LRRC28: variants seen among roughly 807,000 people sequenced by gnomAD.
LRRC28 encodes the protein leucine rich repeat containing 28.
LRRC28 carries 39 observed loss-of-function variants against 45.7 expected under a neutral mutation model. That is an observed-to-expected ratio of 0.85 (90% CI 0.66 to 1.12). The LOEUF is 1.12. Among genes scored for constraint, LRRC28 ranks in the 50% most tolerant of loss-of-function variants. The pLI is 0.00. For missense variants in LRRC28, 435 were observed against 438.5 expected, an observed-to-expected ratio of 0.99 and a Z score of 0.07; for synonymous variants, 206 against 178.8, an observed-to-expected ratio of 1.15 and a Z score of -1.22.
At chr15:99,272,849 T>A (rs539989885) in intron 2 of LRRC28, among the ~76,000 whole-genome samples, 1 of 152,266 alleles carries the variant, frequency 6.6e-6, no homozygotes, top group South Asian at 2.1e-4. Flanking sequence ...AATAATAGAT[T>A]TGAGAAGCAC....
At chr15:99,290,933 A>G (rs1340769622) in intron 5 of LRRC28, among the ~76,000 whole-genome samples, 1 of 152,062 alleles carries the variant, frequency 6.6e-6, no homozygotes, top group Admixed American at 6.6e-5. Flanking sequence ...GCAGTATTGC[A>G]CTCCAGCCTG....
intron 5 of LRRC28, among the ~76,000 whole-genome samples, chr15:99,325,423 C>G (rs1327597571): frequency 2.0e-5 from 3 of 151,978 alleles, no homozygotes; most frequent in Admixed American, 1.3e-4. Flanking sequence ...TTTGTTTGTT[C>G]AGTTTTTGCC....
intron 5 of LRRC28, among the ~76,000 whole-genome samples, chr15:99,312,508 G>A (rs948382691): frequency 1.3e-5 from 2 of 152,062 alleles, no homozygotes; most frequent in Admixed American, 6.6e-5. Flanking sequence ...CCTGCCTAAG[G>A]CTCTTTTACA....
intron 2 of LRRC28, chr15:99,259,645 C>T: frequency 7.0e-7 from 1 of 1,429,266 alleles, no homozygotes; most frequent in Non-Finnish European, 9.9e-7. Context: ...CTACAAATTA[C>T]CATGCGAGTC....
intron 9 of LRRC28, among the ~76,000 whole-genome samples, chr15:99,370,368 A>G (rs1957450543): frequency 2.0e-5 from 3 of 152,220 alleles, no homozygotes; most frequent in Admixed American, 2.0e-4. Context: ...ATATATGTGT[A>G]TGTGTACGTA....
intron 5 of LRRC28, chr15:99,333,689 C>T (rs1321819274): frequency 4.0e-5 from 22 of 550,904 alleles, no homozygotes; most frequent in Middle Eastern, 9.7e-4. Context: ...CTTTTTTTCT[C>T]CATGCTACCC....
intron 5 of LRRC28, among the ~76,000 whole-genome samples, chr15:99,293,255 C>T (rs2082172012): frequency 1.3e-5 from 2 of 152,070 alleles, no homozygotes; most frequent in Admixed American, 6.6e-5. Flanking sequence ...TCAATGTATG[C>T]TGTAAACTCC....
At chr15:99,345,849 T>TA (rs1482845281) in intron 6 of LRRC28, among the ~76,000 whole-genome samples, 1 of 152,244 alleles carries the variant, frequency 6.6e-6, no homozygotes, top group Non-Finnish European at 1.5e-5. Context: ...CAGGTACTGT[T>TA]ACACCATTTA....
At chr15:99,325,437 C>T (rs1043533751) in intron 5 of LRRC28, among the ~76,000 whole-genome samples, 1 of 152,054 alleles carries the variant, frequency 6.6e-6, no homozygotes, top group African/African-American at 2.4e-5. Flanking sequence ...TTTTGCCTTC[C>T]GGCCTTTGCT....
At chr15:99,255,357 T>TA (rs34994335) in intron 1 of LRRC28, among the ~76,000 whole-genome samples, 14,138 of 148,876 alleles carry the variant, frequency 0.095, 908 homozygotes, top group East Asian at 0.32. Flanking sequence ...ACCCTGTCTC[T>TA]AAAAAAAAAT....
chr15:99,259,349 G>T (rs1265317163), intron 2 of LRRC28: 1 of 1,535,362 alleles, frequency 6.5e-7, no homozygotes, highest in Admixed American at 1.7e-5. Context: ...CTGCATTCAG[G>T]CCCTTCCCGA....
intron 2 of LRRC28, chr15:99,257,736 G>T: frequency 2.6e-6 from 2 of 776,290 alleles, no homozygotes; most frequent in South Asian, 2.7e-5. Context: ...AGAGGATCTG[G>T]GTAAAAGTAG....
At chr15:99,321,331 A>G (rs2152277770) in intron 5 of LRRC28, among the ~76,000 whole-genome samples, 1 of 152,316 alleles carries the variant, frequency 6.6e-6, no homozygotes, top group South Asian at 2.1e-4. Context: ...GTTATTGTAT[A>G]GTCTAAGTTA....
intron 7 of LRRC28, 164 bp downstream of exon 7, chr15:99,352,635 A>C: frequency 1.9e-6 from 1 of 535,178 alleles, no homozygotes; most frequent in Admixed American, 3.6e-5. Context: ...TCAGTCAGTA[A>C]GTTATTATTT....
chr15:99,274,941 T>C (rs1173326807), intron 2 of LRRC28, among the ~76,000 whole-genome samples: 1 of 152,222 alleles, frequency 6.6e-6, no homozygotes, highest in African/African-American at 2.4e-5. Flanking sequence ...TAATGTCTTC[T>C]AAAAAGCCAT....
intron 9 of LRRC28, among the ~76,000 whole-genome samples, chr15:99,370,477 T>C (rs1415054485): frequency 6.6e-6 from 1 of 152,104 alleles, no homozygotes; most frequent in African/African-American, 2.4e-5. Flanking sequence ...ACTATGAGTA[T>C]CTTGGGAAGG....
At chr15:99,374,663 T>C (rs1957574294) in intron 9 of LRRC28, among the ~76,000 whole-genome samples, 1 of 152,086 alleles carries the variant, frequency 6.6e-6, no homozygotes, top group Non-Finnish European at 1.5e-5. Context: ...ATAGACATCC[T>C]TGCCTTGTTC....
chr15:99,289,939 CAAAAAAAAAAA>C (rs398028517), intron 5 of LRRC28, among the ~76,000 whole-genome samples: 2 of 49,714 alleles, frequency 4.0e-5, no homozygotes, highest in African/African-American at 1.6e-4. Flanking sequence ...GACTCCGTCT[CAAAAAAAAAAA>C]AAAAAAAAAA....
At chr15:99,286,230 A>G (rs1183055046) in intron 3 of LRRC28, among the ~76,000 whole-genome samples, 1 of 152,206 alleles carries the variant, frequency 6.6e-6, no homozygotes, top group Non-Finnish European at 1.5e-5. Context: ...TCCCAGGTTC[A>G]AGCAGTTCTC....
Sources: allele counts gnomAD v4.1 joint callset (sites outside exome capture counted in the v4.1 genomes callset), GRCh38; gene constraint gnomAD v4.1.1; transcripts MANE v1.5; gene names NCBI Gene and HGNC (gene_info 2026-07-23, HGNC 2026-07-21).